Variants in BDH1 observed in about 807,000 individuals in gnomAD.
The protein encoded by BDH1 is 3-hydroxybutyrate dehydrogenase 1.
In BDH1, 30 loss-of-function variants were observed where a neutral mutation model predicts 33.1. The observed-to-expected ratio is 0.91, with a 90% CI of 0.68 to 1.23. BDH1 has a LOEUF of 1.23. Ranked by LOEUF, BDH1 falls within the 50% of genes most tolerant of loss-of-function variation. The pLI is 0.00. For synonymous variants in BDH1, 190 were observed against 183.6 expected, an observed-to-expected ratio of 1.03 and a Z score of -0.28; for missense variants, 443 against 464.4, an observed-to-expected ratio of 0.95 and a Z score of 0.42.
chr3:197,562,658 A>G (rs552845273), intron 1 of BDH1, among the ~76,000 whole-genome samples: 2 of 152,270 alleles, frequency 1.3e-5, no homozygotes, highest in South Asian at 4.1e-4. Context: ...AAGAGGCTGG[A>G]AACAACTCAG....
At position 197,511,973 on chromosome 3, in the gene BDH1, C is replaced by T; in HGVS notation, c.954G>A (p.Met318Ile). The T allele has an allele frequency of 6.2e-7, 1 of 1,609,626 alleles. No homozygotes were observed. Among genetic ancestry groups the T allele is most frequent in the Non-Finnish European group, 8.5e-7 (1 of 1,177,592 alleles). Reference protein sequence around the residue: ...ATTPYTRYHPMDYYWWLRMQI... With the variant: ...ATTPYTRYHPIDYYWWLRMQI... ...GCATTCGCAGCCACCAGTAGTAGTC[C>T]ATGGGGTGGTAGCGGGTGTAGGGGG... The change falls in exon 8 of 8, where the codon ATG (methionine) becomes ATA (isoleucine). Residue 318 changes from methionine to isoleucine, a missense_variant. Coordinates refer to ENST00000392379, the MANE Select transcript of BDH1 (RefSeq NM_203314.3).
chr3:197,558,276 G>A (rs1025677516), upstream of BDH1, among the ~76,000 whole-genome samples: 7 of 152,200 alleles, frequency 4.6e-5, no homozygotes, highest in Non-Finnish European at 5.9e-5. Flanking sequence ...GCAGGAATCC[G>A]CTGTCCACTC....
At chr3:197,531,720 A>T (rs957669714) in intron 5 of BDH1, among the ~76,000 whole-genome samples, 1 of 152,076 alleles carries the variant, frequency 6.6e-6, no homozygotes, top group African/African-American at 2.4e-5. Context: ...CAAGAGAGAG[A>T]ATTCTGAGTG....
At position 197,516,619 on chromosome 3, in the gene BDH1, C is replaced by T. The variant is rs1321770673; in HGVS notation, c.410-2203G>A. 6.6e-6 allele frequency among the ~76,000 whole-genome samples: 1 copy of T among 152,106 alleles called. No individual in the cohort carries two copies. Among genetic ancestry groups the T allele is most frequent in the East Asian group, 1.9e-4 (1 of 5,190 alleles). ...ACGGCTCTCTCTCCTCATCCCATCT[C>T]CTGTCTCGCTTCCACCTGAATGTCC... is the stretch of plus-strand genomic sequence containing the variant. On this transcript the variant is annotated intron_variant, in intron 6 of 7. Transcript: ENST00000392379. This position sits in a 1 kb window ranked among gnomAD's most constrained non-coding sequence, Gnocchi z 4.2.
chr3:197,550,107 C>T (rs867233787), intron 2 of BDH1, among the ~76,000 whole-genome samples: 2 of 152,048 alleles, frequency 1.3e-5, no homozygotes, highest in Admixed American at 6.6e-5. Flanking sequence ...TTCTCAAGCC[C>T]TCATTCAAAA....
At chr3:197,512,433 A>C (rs746587221) in intron 7 of BDH1, 69 bp from the exon 8 acceptor site, 1 of 1,496,142 alleles carries the variant, frequency 6.7e-7, no homozygotes, top group African/African-American at 1.4e-5. Flanking sequence ...GAAGTCTGGC[A>C]TGTCTCTAGA....
chr3:197,527,215 C>A (rs1195080828), intron 5 of BDH1, among the ~76,000 whole-genome samples: 1 of 152,148 alleles, frequency 6.6e-6, no homozygotes. Context: ...ACAGGATGGG[C>A]AGGAGGAGGA....
chr3:197,568,366 T>C (rs1029526164), intron 1 of BDH1, among the ~76,000 whole-genome samples: 2 of 152,198 alleles, frequency 1.3e-5, no homozygotes, highest in African/African-American at 4.8e-5. Context: ...TTTCTGGAAT[T>C]GACAGCAAAG....
intron 3 of BDH1, among the ~76,000 whole-genome samples, chr3:197,536,071 T>C (rs1044771169): frequency 6.6e-6 from 1 of 152,174 alleles, no homozygotes; most frequent in Non-Finnish European, 1.5e-5. Flanking sequence ...TTTATAGTTT[T>C]ATGTTTTACT....
intron 3 of BDH1, chr3:197,543,150 T>C (rs1249729898): frequency 1.0e-6 from 1 of 985,410 alleles, no homozygotes; most frequent in Non-Finnish European, 1.2e-6. Flanking sequence ...AGAGGAGCCA[T>C]GAGTCCATTT....
intron 3 of BDH1, chr3:197,546,122 T>G: frequency 2.4e-6 from 1 of 414,864 alleles, no homozygotes; most frequent in Non-Finnish European, 4.4e-6. Context: ...GGCAACAGAG[T>G]GAGACTCCAT....
intron 6 of BDH1, chr3:197,515,800 A>G: frequency 1.2e-6 from 1 of 854,060 alleles, no homozygotes; most frequent in Non-Finnish European, 1.4e-6. Context: ...GCTACTCGGG[A>G]GGCTGAGGCA....
At position 197,531,421 on chromosome 3, in the gene BDH1, AT is replaced by A. The variant is rs1560320017; in HGVS notation, c.267+990del. On this transcript the variant is annotated intron_variant, in intron 5 of 7. Transcript: ENST00000392379. ...CAAAAACATAAATTAAAAAAAAAAT[AT>A]ATATATATATATATGTGTATATATA... Among the ~76,000 whole-genome samples the A allele has an allele frequency of 1.1e-4, 15 of 137,716 alleles. 1 individual carries two copies. The highest frequency in any genetic ancestry group is 4.2e-4 in the African/African-American group (14 of 33,128). The allele number at this position is 137,716 out of a possible 152,430, so 90.3% of individuals were successfully genotyped here.
At position 197,526,800 on chromosome 3, in the gene BDH1, TTC is replaced by T. The variant is rs1003639047; in HGVS notation, c.268-4021_268-4020del. On this transcript the variant is annotated intron_variant, in intron 5 of 7. Transcript: ENST00000392379. The surrounding 1 kb of genome is among the most constrained non-coding windows in gnomAD (Gnocchi z 4.7). ...CTGTCTCAATCTCGGGCCTTTAGAC[TTC>T]TTCTGGTGGACATTAGCATCACACT... Among the ~76,000 whole-genome samples the T allele has an allele frequency of 6.6e-6, 1 of 152,170 alleles. No individual in the cohort carries two copies. The highest frequency in any genetic ancestry group is 1.5e-5 in the Non-Finnish European group (1 of 68,028).
chr3:197,569,799 T>C (rs1479515631), intron 1 of BDH1, among the ~76,000 whole-genome samples: 1 of 152,204 alleles, frequency 6.6e-6, no homozygotes, highest in Admixed American at 6.5e-5. Flanking sequence ...TACTCAGTCT[T>C]GGGTATGCCT....
At chr3:197,572,780 AGT>A (rs1717653449) in intron 1 of BDH1, among the ~76,000 whole-genome samples, 1 of 152,242 alleles carries the variant, frequency 6.6e-6, no homozygotes, top group Non-Finnish European at 1.5e-5. Context: ...CAAAATATGT[AGT>A]GAGATTCTCA....
At chr3:197,565,360 A>T (rs1454505063) in intron 1 of BDH1, among the ~76,000 whole-genome samples, 2 of 152,168 alleles carry the variant, frequency 1.3e-5, no homozygotes, top group Non-Finnish European at 2.9e-5. Flanking sequence ...ATAACCTGTG[A>T]TATCAAGTGT....
In BDH1 at chr3:197,512,042, C is replaced by T. The variant is rs774640647; in HGVS notation, c.885G>A (p.Thr295=). Residue 295 remains threonine (T), a synonymous_variant, in exon 8 of 8, where the codon ACG becomes ACA. Coordinates refer to ENST00000392379, the MANE Select transcript of BDH1 (RefSeq NM_203314.3). ...ETYCSSGSTD[T]SPVIDAVTHA... ...GTGTGACAGCATCGATGACAGGGGA[C>T]GTGTCTGTGGAGCCACTGCTGCAGT... The T allele has an allele frequency of 8.7e-6, 14 of 1,614,004 alleles. No individual in the cohort carries two copies. The highest frequency in any genetic ancestry group is 1.6e-4 in the Middle Eastern group (1 of 6,084).
Position 197,511,857 on chromosome 3 carries a change from C to T in BDH1, c.*38G>A, listed in dbSNP as rs186563205. ...ATGGGTTCCTCCCTCCCCTCCCCTTCCACCAGGGATCCCTGACAGAGGCCA... is the reference window on the plus strand; with the variant it reads ...ATGGGTTCCTCCCTCCCCTCCCCTTTCACCAGGGATCCCTGACAGAGGCCA... On this transcript the variant is annotated 3_prime_UTR_variant, in exon 8 of 8. Coordinates refer to ENST00000392379, the MANE Select transcript of BDH1 (RefSeq NM_203314.3). 1.4e-3 allele frequency: 2,090 copies of T among 1,518,006 alleles called. 6 individuals are homozygous for T. The highest frequency in any genetic ancestry group is 1.7e-3 in the Non-Finnish European group (1,924 of 1,129,726). The allele number at this position is 1,518,006 out of a possible 1,614,324, so 94.0% of individuals were successfully genotyped here. A position where few individuals can be genotyped will look rare whatever the true frequency, so the allele number is the denominator to read the frequency against.
Sources: allele counts gnomAD v4.1 joint callset (sites outside exome capture counted in the v4.1 genomes callset), GRCh38; gene constraint gnomAD v4.1.1; non-coding constraint Gnocchi (gnomAD v3.1); transcripts MANE v1.5; gene names NCBI Gene and HGNC (gene_info 2026-07-23, HGNC 2026-07-21).